The following FNDC3B variants were observed in gnomAD, a reference collection of about 807,000 sequenced individuals.
The protein encoded by FNDC3B is fibronectin type III domain-containing protein 3B.
A neutral mutation model predicts 151.5 loss-of-function variants in FNDC3B; 12 were observed. The observed-to-expected ratio is 0.08, with a 90% CI of 0.05 to 0.13. The LOEUF is 0.13. Ranked by LOEUF, FNDC3B falls within the 10% of genes least tolerant of loss-of-function variation. FNDC3B has a pLI of 1.00. For synonymous variants in FNDC3B, 528 were observed against 549.0 expected, an observed-to-expected ratio of 0.96 and a Z score of 0.54; for missense variants, 1,214 against 1,505.3, an observed-to-expected ratio of 0.81 and a Z score of 3.20.
intron 1 of FNDC3B, among the ~76,000 whole-genome samples, chr3:172,042,799 T>C (rs1382657386): frequency 6.6e-6 from 1 of 152,062 alleles, no homozygotes; most frequent in East Asian, 1.9e-4. Context: ...GTCTTTGAAA[T>C]GTAGCTAGTG....
At position 172,129,668 on chromosome 3, in the gene FNDC3B, G is replaced by A. The variant is rs193006045; in HGVS notation, c.112-3803G>A. ...ATAAACTGCCTTCTGTTTATTTCCA[G>A]CTTCTTGGTTCATGTAACACTAACG... On this transcript the variant is annotated intron_variant, in intron 2 of 25. Coordinates refer to ENST00000415807, the MANE Select transcript of FNDC3B (RefSeq NM_022763.4). Among the ~76,000 whole-genome samples, 320 of 152,172 alleles carry A rather than the reference G, an allele frequency of 2.1e-3. 4 individuals are homozygous for A. The highest frequency in any genetic ancestry group is 5.9e-4 in the Non-Finnish European group (40 of 68,010).
At chr3:172,048,177 G>A (rs1237942133) in intron 1 of FNDC3B, among the ~76,000 whole-genome samples, 1 of 152,018 alleles carries the variant, frequency 6.6e-6, no homozygotes, top group African/African-American at 2.4e-5. Context: ...GTCTACTTAG[G>A]GGTCAGATTT....
chr3:172,189,799 T>TAAAAAAAAAAAAA (rs60894339), intron 3 of FNDC3B, among the ~76,000 whole-genome samples: 1 of 84,296 alleles, frequency 1.2e-5, no homozygotes, highest in African/African-American at 4.8e-5. Context: ...AGACCTTGTC[T>TAAAAAAAAAAAAA]AAAAAAAAAA....
At chr3:172,150,221 G>A (rs980928283) in intron 3 of FNDC3B, among the ~76,000 whole-genome samples, 1 of 152,080 alleles carries the variant, frequency 6.6e-6, no homozygotes, top group African/African-American at 2.4e-5. Context: ...CAGAGATTTA[G>A]ATACAATTAT....
chr3:172,127,366 T>A (rs1720853693), intron 2 of FNDC3B, among the ~76,000 whole-genome samples: 1 of 152,144 alleles, frequency 6.6e-6, no homozygotes. Flanking sequence ...AGGGGAGAAG[T>A]GGTGGTGTGG....
chr3:172,348,183 GA>G (rs1733697947), intron 21 of FNDC3B, among the ~76,000 whole-genome samples: 1 of 152,182 alleles, frequency 6.6e-6, no homozygotes, highest in Non-Finnish European at 1.5e-5. Context: ...ATTTAGATTT[GA>G]ATAGATAAAG....
At chr3:172,118,544 C>T (rs1199656039) in intron 2 of FNDC3B, among the ~76,000 whole-genome samples, 3 of 152,104 alleles carry the variant, frequency 2.0e-5, no homozygotes, top group Non-Finnish European at 4.4e-5. Context: ...ATGGGAGTGA[C>T]AGTTAAAAAA....
At chr3:172,161,104 T>A (rs1354923511) in intron 3 of FNDC3B, among the ~76,000 whole-genome samples, 1 of 152,206 alleles carries the variant, frequency 6.6e-6, no homozygotes, top group Non-Finnish European at 1.5e-5. Context: ...CTTAGTTGTG[T>A]TCATTATTAA....
At chr3:172,162,520 G>C (rs1722830306) in intron 3 of FNDC3B, among the ~76,000 whole-genome samples, 1 of 151,960 alleles carries the variant, frequency 6.6e-6, no homozygotes, top group Admixed American at 6.6e-5. Flanking sequence ...GGAATTGCTG[G>C]GCCTTATGGT....
chr3:172,161,209 G>A (rs1186412458), intron 3 of FNDC3B, among the ~76,000 whole-genome samples: 1 of 152,166 alleles, frequency 6.6e-6, no homozygotes, highest in Non-Finnish European at 1.5e-5. Context: ...GAATATTGGT[G>A]GGATGGAATG....
intron 3 of FNDC3B, among the ~76,000 whole-genome samples, chr3:172,176,767 T>A (rs2108645009): frequency 6.6e-6 from 1 of 152,288 alleles, no homozygotes; most frequent in South Asian, 2.1e-4. Flanking sequence ...AATTATTCTG[T>A]GATATTTGTT....
intron 4 of FNDC3B, among the ~76,000 whole-genome samples, chr3:172,234,190 G>A (rs910874410): frequency 1.3e-5 from 2 of 152,176 alleles, no homozygotes; most frequent in African/African-American, 2.4e-5. Flanking sequence ...GAGGGCCCAA[G>A]CGAGGCTCTA....
At chr3:172,041,470 CTTCTTG>C (rs1305437663) in intron 1 of FNDC3B, among the ~76,000 whole-genome samples, 1 of 141,230 alleles carries the variant, frequency 7.1e-6, no homozygotes, top group Non-Finnish European at 1.5e-5. Context: ...CCTCCTCCTC[CTTCTTG>C]TTCTTGTTCT....
Position 172,174,791 on chromosome 3 carries a change from T to A in FNDC3B, c.187+41245T>A, listed in dbSNP as rs369430496. On this transcript the variant is annotated intron_variant, in intron 3 of 25. Transcript: ENST00000415807. ...GTTTGGTTGTGGGTGAATAGCCTCT[T>A]ATTTAATTTAGTATGATGTTTATCT... 6.6e-5 allele frequency among the ~76,000 whole-genome samples: 10 copies of A among 152,236 alleles called. No homozygotes were observed. The East Asian group carries it at 1.5e-3, about 24-fold the overall frequency.
intron 4 of FNDC3B, among the ~76,000 whole-genome samples, chr3:172,246,117 A>G (rs1190361689): frequency 1.3e-5 from 2 of 152,140 alleles, no homozygotes; most frequent in Non-Finnish European, 2.9e-5. Context: ...ATTTTGTCCT[A>G]TAATTAACCT....
At chr3:172,087,251 T>C (rs1305088697) in intron 1 of FNDC3B, among the ~76,000 whole-genome samples, 1 of 152,234 alleles carries the variant, frequency 6.6e-6, no homozygotes, top group Non-Finnish European at 1.5e-5. Context: ...AACTATCAGC[T>C]TGACCGAAGC....
At position 172,129,325 on chromosome 3, in the gene FNDC3B, T is replaced by C. The variant is rs41369150; in HGVS notation, c.112-4146T>C. On this transcript the variant is annotated intron_variant, in intron 2 of 25. Transcript: ENST00000415807. ...TACCCTGATTGCTTATTTGAGTGACTGGTAATTTTTTTATTTGAGGCATAA... is the reference window on the plus strand; with the variant it reads ...TACCCTGATTGCTTATTTGAGTGACCGGTAATTTTTTTATTTGAGGCATAA... 6.3e-3 allele frequency among the ~76,000 whole-genome samples: 959 copies of C among 152,272 alleles called. 15 individuals are homozygous for C. Among genetic ancestry groups the C allele is most frequent in the African/African-American group, 0.022 (918 of 41,542 alleles).
intron 4 of FNDC3B, 111 bp downstream of exon 4, chr3:172,227,058 T>C (rs1726626869): frequency 5.5e-6 from 4 of 723,976 alleles, no homozygotes; most frequent in African/African-American, 1.7e-5. Flanking sequence ...GGTACCGTAG[T>C]GCTAGGTTTG....
chr3:172,226,792 G>A (rs1726606944), intron 3 of FNDC3B, 79 bp from the exon 4 acceptor site: 1 of 938,802 alleles, frequency 1.1e-6, no homozygotes. Context: ...TCTTCAGTTT[G>A]GATAGTACAT....
Sources: allele counts gnomAD v4.1 joint callset (sites outside exome capture counted in the v4.1 genomes callset), GRCh38; gene constraint gnomAD v4.1.1; transcripts MANE v1.5; gene names NCBI Gene and HGNC (gene_info 2026-07-23, HGNC 2026-07-21).